The following TBX4 variants were observed in gnomAD, a reference collection of about 807,000 sequenced individuals.
The protein encoded by TBX4 is T-box transcription factor 4, also known as T-box transcription factor TBX4.
A neutral mutation model predicts 54.6 loss-of-function variants in TBX4; 13 were observed. That is an observed-to-expected ratio of 0.24 (90% CI 0.15 to 0.38). The LOEUF (loss-of-function observed/expected upper bound fraction) is 0.38. Ranked by LOEUF, TBX4 falls within the 10% of genes least tolerant of loss-of-function variation. The pLI, the probability that TBX4 is intolerant of heterozygous loss-of-function variation, is 1.00. For synonymous variants in TBX4, 314 were observed against 306.7 expected (o/e 1.02, Z -0.25); for missense variants, 631 against 728.5 (o/e 0.87, Z 1.54).
chr17:61,454,659 GTC>G (rs2060434316), intron 1 of TBX4, among the ~76,000 whole-genome samples: 1 of 152,262 alleles, frequency 6.6e-6, no homozygotes, highest in South Asian at 2.1e-4. Flanking sequence ...AGCAGGCCTC[GTC>G]CCCAGTCCGA....
rs1176122589 is a variant in TBX4 at position 61,461,482 on chromosome 17, A to G, written c.281+3851A>G. On this transcript the variant is annotated intron_variant, in intron 3 of 8. Coordinates refer to ENST00000644296, the MANE Select transcript of TBX4 (RefSeq NM_001321120.2). This position sits in a 1 kb window ranked among gnomAD's most constrained non-coding sequence, Gnocchi z 5.1. ...GCCCCCACGGACATCAGGGTTGGAG[A>G]AACAAAGGGTTTTAAGGGGACCCCT... 6.6e-6 allele frequency among the ~76,000 whole-genome samples: 1 copy of G among 152,060 alleles called. No homozygotes were observed. Among genetic ancestry groups the G allele is most frequent in the East Asian group, 1.9e-4 (1 of 5,180 alleles).
rs147641113 is a variant in TBX4, at chr17:61,482,948, C to T, written c.1073C>T (p.Ala358Val). The T allele has an allele frequency of 8.7e-6, 14 of 1,613,798 alleles. No homozygotes were observed. Residue 358 changes from alanine to valine, a missense_variant, in exon 9 of 9, where the codon GCC (alanine) becomes GTC (valine). By Grantham distance (64) the Ala-to-Val change is moderately conservative (BLOSUM62 0). Coordinates refer to ENST00000644296, the MANE Select transcript of TBX4 (RefSeq NM_001321120.2). ...DLPCKRSYLEAPSSVGEDHYF... is the reference protein window; with the variant it reads ...DLPCKRSYLEVPSSVGEDHYF... ...CCTTGCAAGCGATCCTATCTGGAAGCCCCCTCTTCGGTGGGGGAGGATCAC... is the reference window on the plus strand; with the variant it reads ...CCTTGCAAGCGATCCTATCTGGAAGTCCCCTCTTCGGTGGGGGAGGATCAC...
At position 61,479,669 on chromosome 17, in the gene TBX4, A is replaced by G. The variant is rs1265545775; in HGVS notation, c.703-212A>G. ...AGGCCCACTTCCCCAGACCTGCCCC[A>G]GTTCTGCCTGTGCCTGGGGTTGGGG... is the stretch of plus-strand genomic sequence containing the variant. On this transcript the variant is annotated intron_variant, in intron 6 of 8. Coordinates refer to ENST00000644296, the MANE Select transcript of TBX4 (RefSeq NM_001321120.2). The surrounding 1 kb of genome is among the most constrained non-coding windows in gnomAD (Gnocchi z 6.1). Among the ~76,000 whole-genome samples, 1 of 152,026 alleles carries G rather than the reference A, an allele frequency of 6.6e-6. No individual in the cohort carries two copies. Among genetic ancestry groups the G allele is most frequent in the East Asian group, 1.9e-4 (1 of 5,152 alleles).
In TBX4 at chr17:61,457,379, C is replaced by T. The variant is rs956156755; in HGVS notation, c.187-158C>T. Reference sequence around the variant, plus strand: ...CCACCGATTAATTCTTTTATATTCACGAATAGTTCAAAATCGTTCTGTGAA... The same window carrying T: ...CCACCGATTAATTCTTTTATATTCATGAATAGTTCAAAATCGTTCTGTGAA... On this transcript the variant is annotated intron_variant, in intron 2 of 8. Coordinates refer to ENST00000644296, the MANE Select transcript of TBX4 (RefSeq NM_001321120.2). The surrounding 1 kb of genome is among the most constrained non-coding windows in gnomAD (Gnocchi z 8.2). 1.3e-5 allele frequency among the ~76,000 whole-genome samples: 2 copies of T among 152,130 alleles called. No homozygotes were observed. The highest frequency in any genetic ancestry group is 4.8e-5 in the African/African-American group (2 of 41,436).
rs2060649133 is a variant in TBX4 at position 61,479,667 on chromosome 17, C to T, written c.703-214C>T. On this transcript the variant is annotated intron_variant, in intron 6 of 8. Coordinates refer to ENST00000644296, the MANE Select transcript of TBX4 (RefSeq NM_001321120.2). The surrounding 1 kb of genome is among the most constrained non-coding windows in gnomAD (Gnocchi z 6.1). Reference sequence around the variant, plus strand: ...CAAGGCCCACTTCCCCAGACCTGCCCCAGTTCTGCCTGTGCCTGGGGTTGG... The same window carrying T: ...CAAGGCCCACTTCCCCAGACCTGCCTCAGTTCTGCCTGTGCCTGGGGTTGG... Among the ~76,000 whole-genome samples the T allele has an allele frequency of 6.6e-6, 1 of 152,076 alleles. No homozygotes were observed. The highest frequency in any genetic ancestry group is 2.4e-5 in the African/African-American group (1 of 41,406).
At chr17:61,458,576 T>C (rs529849938) in intron 3 of TBX4, among the ~76,000 whole-genome samples, 1 of 152,262 alleles carries the variant, frequency 6.6e-6, no homozygotes, top group African/African-American at 2.4e-5. Context: ...GCCAGGAATT[T>C]GGAGTCAGAC....
chr17:61,483,983 C>CTCTT lies in TBX4; in HGVS notation c.*469_*472dup, dbSNP rs1400077260. ...TGCACACCTTAGAGTTCCTGGCCTT[C>CTCTT]TCTTTGCAAGGGGAGCTGAGAATCT... On this transcript the variant is annotated 3_prime_UTR_variant, in exon 9 of 9. Coordinates refer to ENST00000644296, the MANE Select transcript of TBX4 (RefSeq NM_001321120.2). The surrounding 1 kb of genome is among the most constrained non-coding windows in gnomAD (Gnocchi z 6.6). 1 of 169,872 alleles carries CTCTT rather than the reference C, an allele frequency of 5.9e-6. No individual in the cohort carries two copies. The highest frequency in any genetic ancestry group is 2.4e-5 in the African/African-American group (1 of 41,874). The allele number at this position is 169,872 out of a possible 1,614,324, so 10.5% of individuals were successfully genotyped here. A position where few individuals can be genotyped will look rare whatever the true frequency, so the allele number is the denominator to read the frequency against.
chr17:61,466,888 G>T (rs1238426425), intron 4 of TBX4, among the ~76,000 whole-genome samples: 1 of 152,178 alleles, frequency 6.6e-6, no homozygotes, highest in African/African-American at 2.4e-5. Context: ...AGGTGTAGCG[G>T]CTCATATCTG....
At position 61,465,747 on chromosome 17, in the gene TBX4, C is replaced by G. The variant is rs2060531582; in HGVS notation, c.282-72C>G. The G allele has an allele frequency of 3.1e-6, 5 of 1,603,948 alleles. No individual in the cohort carries two copies. Among genetic ancestry groups the G allele is most frequent in the Non-Finnish European group, 3.4e-6 (4 of 1,173,270 alleles). ...CAGCATCTGTTAGCGGCCTTCTGCC[C>G]CCTTGCTCACTCTGTTCCATCTCTC... On this transcript the variant is annotated intron_variant, in intron 3 of 8. Coordinates refer to ENST00000644296, the MANE Select transcript of TBX4 (RefSeq NM_001321120.2). This position sits in a 1 kb window ranked among gnomAD's most constrained non-coding sequence, Gnocchi z 4.9.
In TBX4 at chr17:61,479,764, C is replaced by A; in HGVS notation, c.703-117C>A. ...AGGAGGGTAGTGAGAAGCGGTGAGG[C>A]TGGAGAGCGACCCCTGAGGGAGGGA... On this transcript the variant is annotated intron_variant, in intron 6 of 8. Coordinates refer to ENST00000644296, the MANE Select transcript of TBX4 (RefSeq NM_001321120.2). This position sits in a 1 kb window ranked among gnomAD's most constrained non-coding sequence, Gnocchi z 6.1. The A allele has an allele frequency of 9.2e-7, 1 of 1,091,916 alleles. No individual in the cohort carries two copies. Among genetic ancestry groups the A allele is most frequent in the Non-Finnish European group, 1.4e-6 (1 of 711,876 alleles). 67.6% of individuals were successfully genotyped at this position (1,091,916 alleles called of 1,614,324 possible). A position where few individuals can be genotyped will look rare whatever the true frequency, so the allele number is the denominator to read the frequency against.
Position 61,465,736 on chromosome 17 carries a change from G to C in TBX4, c.282-83G>C. ...GGCCAAAAGGGCAGCATCTGTTAGCGGCCTTCTGCCCCCTTGCTCACTCTG... is the reference window on the plus strand; with the variant it reads ...GGCCAAAAGGGCAGCATCTGTTAGCCGCCTTCTGCCCCCTTGCTCACTCTG... On this transcript the variant is annotated intron_variant, in intron 3 of 8. Coordinates refer to ENST00000644296, the MANE Select transcript of TBX4 (RefSeq NM_001321120.2). This position sits in a 1 kb window ranked among gnomAD's most constrained non-coding sequence, Gnocchi z 4.9. 6.3e-7 allele frequency: 1 copy of C among 1,577,750 alleles called. No homozygotes were observed. Among genetic ancestry groups the C allele is most frequent in the South Asian group, 1.1e-5 (1 of 90,140 alleles).
At position 61,475,002 on chromosome 17, in the gene TBX4, AAGG is replaced by A. The variant is rs1303156296; in HGVS notation, c.550-3622_550-3620del. ...TAGATGGGGACCCCAATGGTTGGAG[AAGG>A]AGAAGAGCTTGCTCAGGACTTGACG... is the stretch of plus-strand genomic sequence containing the variant. On this transcript the variant is annotated intron_variant, in intron 5 of 8. Coordinates refer to ENST00000644296, the MANE Select transcript of TBX4 (RefSeq NM_001321120.2). The surrounding 1 kb of genome is among the most constrained non-coding windows in gnomAD (Gnocchi z 5.0). Among the ~76,000 whole-genome samples, 26 of 152,216 alleles carry A rather than the reference AAGG, an allele frequency of 1.7e-4. No individual in the cohort carries two copies. The highest frequency in any genetic ancestry group is 5.8e-4 in the African/African-American group (24 of 41,454).
rs1317903563 is a variant in TBX4 at position 61,459,239 on chromosome 17, C to A, written c.281+1608C>A. On this transcript the variant is annotated intron_variant, in intron 3 of 8. Transcript: ENST00000644296. This position sits in a 1 kb window ranked among gnomAD's most constrained non-coding sequence, Gnocchi z 4.8. ...TGAGTGTACTTGGGCAAGTCACAGT[C>A]TCCTTGTAGCTCAGTGGTGTCAGGG... 6.6e-6 allele frequency among the ~76,000 whole-genome samples: 1 copy of A among 151,554 alleles called. No individual in the cohort carries two copies. The highest frequency in any genetic ancestry group is 2.4e-5 in the African/African-American group (1 of 41,350).
At chr17:61,471,731 T>A (rs8064335) in intron 5 of TBX4, among the ~76,000 whole-genome samples, 20,902 of 151,654 alleles carry the variant, frequency 0.14, 1,555 homozygotes, top group East Asian at 0.24. Flanking sequence ...TTATTATTAT[T>A]TTAATTTCTT....
rs1443274012 is a variant in TBX4 at position 61,482,972 on chromosome 17, A to G, written c.1097A>G (p.His366Arg). 10 of 1,613,872 alleles carry G rather than the reference A, an allele frequency of 6.2e-6. No individual in the cohort carries two copies. The highest frequency in any genetic ancestry group is 7.6e-6 in the Non-Finnish European group (9 of 1,179,968). ...LEAPSSVGED[H>R]YFRSPPPYDQ... ...GCCCCCTCTTCGGTGGGGGAGGATC[A>G]CTATTTCCGTTCCCCCCCTCCCTAC... is the stretch of plus-strand genomic sequence containing the variant. The change falls in exon 9 of 9, where the codon CAC becomes CGC. Residue 366 changes from histidine to arginine, a missense_variant. By Grantham distance (29) the His-to-Arg change is conservative. Around this residue, in one of 3 missense-constraint regions of TBX4, gnomAD observed 354 missense variants for 368.9 expected, o/e 0.96. Coordinates refer to ENST00000644296, the MANE Select transcript of TBX4 (RefSeq NM_001321120.2).
Position 61,465,653 on chromosome 17 carries a change from G to A in TBX4, c.282-166G>A, listed in dbSNP as rs2060530320. The stretch of plus-strand genomic sequence containing the variant: ...TGCCACCTTTTCACTGTGCAGCTCG[G>A]GCAGAGGGGGAAGTGAGTTGTGCAG... On this transcript the variant is annotated intron_variant, in intron 3 of 8. Transcript: ENST00000644296. The surrounding 1 kb of genome is among the most constrained non-coding windows in gnomAD (Gnocchi z 4.9). 3 of 851,458 alleles carry A rather than the reference G, an allele frequency of 3.5e-6. No individual in the cohort carries two copies. In the Admixed American group the frequency reaches 5.5e-5, roughly 16 times the overall value. The allele number at this position is 851,458 out of a possible 1,614,324, so 52.7% of individuals were successfully genotyped here. A position where few individuals can be genotyped will look rare whatever the true frequency, so the allele number is the denominator to read the frequency against.
rs894958743 is a variant in TBX4, at chr17:61,460,907, C to G, written c.281+3276C>G. Among the ~76,000 whole-genome samples, 1 of 152,140 alleles carries G rather than the reference C, an allele frequency of 6.6e-6. No homozygotes were observed. Among genetic ancestry groups the G allele is most frequent in the Non-Finnish European group, 1.5e-5 (1 of 68,020 alleles). On this transcript the variant is annotated intron_variant, in intron 3 of 8. Transcript: ENST00000644296. The surrounding 1 kb of genome is among the most constrained non-coding windows in gnomAD (Gnocchi z 4.4). ...AATTTGCGTTTGAAAAATGAACTAC[C>G]GATGAGAACTCCTGTTGAACCTGTA...
chr17:61,455,011 C>A (rs532751712), intron 1 of TBX4, among the ~76,000 whole-genome samples: 2 of 152,172 alleles, frequency 1.3e-5, no homozygotes, highest in Non-Finnish European at 2.9e-5. Flanking sequence ...CCTAGGTTTC[C>A]GAGGCTCGGC....
chr17:61,455,060 GC>G (rs1322919619), intron 1 of TBX4, among the ~76,000 whole-genome samples: 1 of 152,222 alleles, frequency 6.6e-6, no homozygotes, highest in African/African-American at 2.4e-5. Context: ...GCTGGCGCTG[GC>G]CATGTCCAGC....
Sources: allele counts gnomAD v4.1 joint callset (sites outside exome capture counted in the v4.1 genomes callset), GRCh38; gene constraint gnomAD v4.1.1; regional missense constraint gnomAD v4.1.1; non-coding constraint Gnocchi (gnomAD v3.1); transcripts MANE v1.5; gene names NCBI Gene and HGNC (gene_info 2026-07-23, HGNC 2026-07-21).